Variants in DUSP16 observed in about 807,000 individuals in gnomAD.
DUSP16 encodes the protein dual specificity phosphatase 16, also known as dual specificity protein phosphatase 16.
DUSP16 carries 21 observed loss-of-function variants against 58.3 expected under a neutral mutation model. That is an observed-to-expected ratio of 0.36 (90% CI 0.26 to 0.52). The LOEUF (loss-of-function observed/expected upper bound fraction) is 0.52. Among genes scored for constraint, DUSP16 ranks in the 20% least tolerant of loss-of-function variants. DUSP16 has a pLI of 0.94. For synonymous variants in DUSP16, 320 were observed against 323.8 expected, an observed-to-expected ratio of 0.99 and a Z score of 0.12; for missense variants, 726 against 819.0, an observed-to-expected ratio of 0.89 and a Z score of 1.39.
intron 1 of DUSP16, among the ~76,000 whole-genome samples, chr12:12,527,298 A>G (rs1944320571): frequency 6.6e-6 from 1 of 152,228 alleles, no homozygotes; most frequent in South Asian, 2.1e-4. Context: ...ATCAAAAGGG[A>G]AAAAAGGAGA....
chr12:12,483,637 G>A (rs1229746958), intron 5 of DUSP16, among the ~76,000 whole-genome samples: 1 of 150,784 alleles, frequency 6.6e-6, no homozygotes, highest in Non-Finnish European at 1.5e-5. Flanking sequence ...AGTTTGGCAT[G>A]AGGAGAGCTG....
chr12:12,511,269 G>A (rs7137455), intron 3 of DUSP16, among the ~76,000 whole-genome samples: 5 of 151,962 alleles, frequency 3.3e-5, no homozygotes, highest in South Asian at 4.2e-4. Flanking sequence ...CAGACAGACC[G>A]AAGAGGTTGG....
intron 1 of DUSP16, among the ~76,000 whole-genome samples, chr12:12,534,263 A>T (rs1944433261): frequency 6.6e-6 from 1 of 152,178 alleles, no homozygotes; most frequent in Non-Finnish European, 1.5e-5. Flanking sequence ...AATTTAAGTC[A>T]TTGCATCTGT....
rs905552086 is a variant in DUSP16 at position 12,476,419 on chromosome 12, G to A, written c.*414C>T. On this transcript the variant is annotated 3_prime_UTR_variant, in exon 7 of 7. Transcript: ENST00000298573. ...GGTCTACCTACCTGACCCCCAAGCT[G>A]GCTCAGTCTCAGCGCTAAGGTGTAC... 37 of 158,048 alleles carry A rather than the reference G, an allele frequency of 2.3e-4. No individual in the cohort carries two copies. Among genetic ancestry groups the A allele is most frequent in the Admixed American group, 1.6e-3 (25 of 15,706 alleles). The allele number at this position is 158,048 out of a possible 1,614,324, so 9.8% of individuals were successfully genotyped here.
At chr12:12,503,681 A>G (rs1253938997) in intron 3 of DUSP16, among the ~76,000 whole-genome samples, 1 of 152,220 alleles carries the variant, frequency 6.6e-6, no homozygotes, top group African/African-American at 2.4e-5. Context: ...GCTGACAGAC[A>G]GGATAGCGGT....
At chr12:12,561,542 C>T (rs1944903555) in intron 1 of DUSP16, among the ~76,000 whole-genome samples, 1 of 152,204 alleles carries the variant, frequency 6.6e-6, no homozygotes, top group African/African-American at 2.4e-5. Context: ...GTCGGGCCCC[C>T]CAACGCCAAG....
chr12:12,486,487 T>A (rs1283619621), intron 5 of DUSP16, among the ~76,000 whole-genome samples: 1 of 64,670 alleles, frequency 1.5e-5, no homozygotes, highest in African/African-American at 3.9e-5. Context: ...TGAGAGTGTG[T>A]GTGTGTGTGT....
intron 1 of DUSP16, among the ~76,000 whole-genome samples, chr12:12,523,506 C>T (rs1430906169): frequency 6.6e-6 from 1 of 152,336 alleles, no homozygotes; most frequent in South Asian, 2.1e-4. Flanking sequence ...CTCAACCACA[C>T]CATATTTTAC....
intron 1 of DUSP16, among the ~76,000 whole-genome samples, chr12:12,550,118 T>C (rs925868542): frequency 1.3e-5 from 2 of 151,838 alleles, no homozygotes; most frequent in Non-Finnish European, 2.9e-5. Context: ...ACTAAAAATA[T>C]AAAAATTAGC....
chr12:12,477,220 C>G lies in DUSP16; in HGVS notation c.1611G>C (p.Lys537Asn), dbSNP rs948781138. The G allele has an allele frequency of 1.2e-6, 2 of 1,614,202 alleles. 1 individual carries two copies. Among genetic ancestry groups the G allele is most frequent in the Non-Finnish European group, 1.7e-6 (2 of 1,180,046 alleles). ...GGGCCAAGATATCCGAGTGCCAGCC[C>G]TTAAGGCCCAGGCCAGCAGACTTCG... is the stretch of plus-strand genomic sequence containing the variant. The part of the protein sequence containing the change: ...HLTKSAGLGL[K>N]GWHSDILAPQ... Residue 537 changes from lysine to asparagine, a missense_variant, in exon 7 of 7, where the codon AAG becomes AAC. Coordinates refer to ENST00000298573, the MANE Select transcript of DUSP16 (RefSeq NM_030640.3). This position sits in a 1 kb window ranked among gnomAD's most constrained non-coding sequence, Gnocchi z 4.1.
intron 1 of DUSP16, among the ~76,000 whole-genome samples, chr12:12,540,944 CTTTTCTTTTTTTT>C (rs1403437863): frequency 4.3e-4 from 43 of 100,684 alleles, no homozygotes; most frequent in African/African-American, 1.6e-3. Flanking sequence ...CTTTTCTTTT[CTTTTCTTTTTTTT>C]TTTTTTTTTT....
intron 4 of DUSP16, among the ~76,000 whole-genome samples, chr12:12,487,846 C>T (rs1943707039): frequency 6.6e-6 from 1 of 152,142 alleles, no homozygotes; most frequent in South Asian, 2.1e-4. Context: ...GTAATAACAT[C>T]GACCCAGCCA....
At chr12:12,544,460 C>A (rs1428566987) in intron 1 of DUSP16, among the ~76,000 whole-genome samples, 1 of 152,146 alleles carries the variant, frequency 6.6e-6, no homozygotes, top group Non-Finnish European at 1.5e-5. Flanking sequence ...GTACACATTT[C>A]TGTTGGGTAT....
In DUSP16 at chr12:12,484,712, C is replaced by T. The variant is rs181337374; in HGVS notation, c.691+2316G>A. On this transcript the variant is annotated intron_variant, in intron 5 of 6. Transcript: ENST00000298573. ...TCTCGGCTCACTGCAACCTCCACATCCCAGGTTCAAGAGATTCTCCTGCCT... is the reference window on the plus strand; with the variant it reads ...TCTCGGCTCACTGCAACCTCCACATTCCAGGTTCAAGAGATTCTCCTGCCT... 1.5e-3 allele frequency among the ~76,000 whole-genome samples: 229 copies of T among 152,148 alleles called. 2 individuals are homozygous for T. The East Asian group carries it at 0.023, about 15-fold the overall frequency.
Position 12,485,142 on chromosome 12 carries a change from T to C in DUSP16, c.691+1886A>G, listed in dbSNP as rs186860834. The stretch of plus-strand genomic sequence containing the variant: ...CTCCTGCCTCAGCTTCCCAAGTAGC[T>C]GGGACTACAGGCATGTGCCACTACG... On this transcript the variant is annotated intron_variant, in intron 5 of 6. Coordinates refer to ENST00000298573, the MANE Select transcript of DUSP16 (RefSeq NM_030640.3). Among the ~76,000 whole-genome samples the C allele has an allele frequency of 1.5e-3, 231 of 152,032 alleles. 5 individuals are homozygous for C. The highest frequency in any genetic ancestry group is 4.6e-3 in the South Asian group (22 of 4,810).
rs188223246 is a variant in DUSP16 at position 12,510,112 on chromosome 12, C to A, written c.368-9430G>T. Among the ~76,000 whole-genome samples the A allele has an allele frequency of 2.5e-3, 387 of 152,162 alleles. 1 individual carries two copies. The highest frequency in any genetic ancestry group is 8.9e-3 in the African/African-American group (369 of 41,486). On this transcript the variant is annotated intron_variant, in intron 3 of 6. Transcript: ENST00000298573. ...CCCTAAATGGCGCAGGACTCCACAC[C>A]GGTGTGGAGAGTCCCGTAATATATC...
chr12:12,476,925 T>C lies in DUSP16; in HGVS notation c.1906A>G (p.Ile636Val). 1.9e-6 allele frequency: 3 copies of C among 1,614,144 alleles called. No homozygotes were observed. Among genetic ancestry groups the C allele is most frequent in the Non-Finnish European group, 2.5e-6 (3 of 1,180,040 alleles). ...RSCQMEFGES[I>V]MSENRSREEL... is the part of the protein sequence containing the mutation. The stretch of plus-strand genomic sequence containing the variant: ...TCCCGTGACCTGTTCTCTGACATGA[T>C]GCTCTCTCCAAATTCCATTTGGCAG... The change falls in exon 7 of 7, where the codon ATC (isoleucine) becomes GTC (valine). Residue 636 changes from isoleucine (I) to valine (V), a missense_variant. Ile to Val is a conservative substitution (Grantham distance 29). Transcript: ENST00000298573.
In DUSP16 at chr12:12,532,452, C is replaced by A. The variant is rs190741665; in HGVS notation, c.-365-10989G>T. On this transcript the variant is annotated intron_variant, in intron 1 of 6. Transcript: ENST00000298573. ...TCAAACACCCACAGGCATACAAACA[C>A]ATACGATGGATATGTATAAAACATA... Among the ~76,000 whole-genome samples the A allele has an allele frequency of 5.9e-5, 9 of 152,298 alleles. No individual in the cohort carries two copies. The East Asian group carries it at 1.4e-3, about 23-fold the overall frequency.
chr12:12,475,770 C>T lies in DUSP16; in HGVS notation c.*1063G>A, dbSNP rs919280932. The T allele has an allele frequency of 6.6e-6, 1 of 152,174 alleles. No individual in the cohort carries two copies. Among genetic ancestry groups the T allele is most frequent in the Non-Finnish European group, 1.5e-5 (1 of 68,046 alleles). 9.4% of individuals were successfully genotyped at this position (152,174 alleles called of 1,614,324 possible). On this transcript the variant is annotated 3_prime_UTR_variant, in exon 7 of 7. Coordinates refer to ENST00000298573, the MANE Select transcript of DUSP16 (RefSeq NM_030640.3). ...CTAGGAAGTTTCCTATAAAATTCTG[C>T]CATATTATTACATTTTACCAACTGT...
Sources: allele counts gnomAD v4.1 joint callset (sites outside exome capture counted in the v4.1 genomes callset), GRCh38; gene constraint gnomAD v4.1.1; non-coding constraint Gnocchi (gnomAD v3.1); transcripts MANE v1.5; gene names NCBI Gene and HGNC (gene_info 2026-07-23, HGNC 2026-07-21).